Variants in VPS13A observed in about 807,000 individuals in gnomAD.
VPS13A encodes vacuolar protein sorting 13 homolog A.
Under a neutral mutation model 390.9 loss-of-function variants are expected in VPS13A, and 264 were observed. That is an observed-to-expected ratio of 0.68 (90% CI 0.61 to 0.75). The LOEUF (loss-of-function observed/expected upper bound fraction) is 0.75, where lower values mean the gene tolerates loss of function less well. Among genes scored for constraint, VPS13A ranks in the 30% least tolerant of loss-of-function variants. The probability of loss-of-function intolerance (pLI) is 0.00; values close to 1 mark genes in which losing one functional copy is unlikely to be tolerated. For synonymous variants in VPS13A, 1,231 were observed against 1,227.1 expected, an observed-to-expected ratio of 1.00 and a Z score of -0.07; for missense variants, 3,409 against 3,733.9, an observed-to-expected ratio of 0.91 and a Z score of 2.27.
At chr9:77,388,801 C>A (rs1256873819) in intron 68 of VPS13A, among the ~76,000 whole-genome samples, 1 of 152,092 alleles carries the variant, frequency 6.6e-6, no homozygotes, top group Non-Finnish European at 1.5e-5. Context: ...TATAAATTAT[C>A]ATTTATCAGT....
chr9:77,318,103 T>C, intron 40 of VPS13A, 132 bp from the exon 41 acceptor site: 1 of 534,118 alleles, frequency 1.9e-6, no homozygotes, highest in South Asian at 4.5e-5. Flanking sequence ...TTATAAACAA[T>C]AAATTGTATC....
chr9:77,379,772 A>T (rs537082683), intron 67 of VPS13A, among the ~76,000 whole-genome samples: 3 of 152,374 alleles, frequency 2.0e-5, no homozygotes, highest in Non-Finnish European at 4.4e-5. Context: ...GACCTAATAG[A>T]TAGCTAATAC....
At chr9:77,367,998 T>C in intron 61 of VPS13A, 57 bp from the exon 62 acceptor site, 2 of 1,442,836 alleles carry the variant, frequency 1.4e-6, no homozygotes, top group Non-Finnish European at 1.9e-6. Context: ...CTCATTAATA[T>C]TAAAAATACT....
intron 51 of VPS13A, among the ~76,000 whole-genome samples, 172 bp downstream of exon 51, chr9:77,344,453 T>C (rs1256118203): frequency 6.6e-6 from 1 of 152,124 alleles, no homozygotes; most frequent in East Asian, 1.9e-4. Context: ...GATAATTTAA[T>C]TGTTAAATAA....
intron 59 of VPS13A, among the ~76,000 whole-genome samples, chr9:77,361,064 G>A (rs557628015): frequency 1.3e-5 from 2 of 152,208 alleles, no homozygotes; most frequent in Non-Finnish European, 2.9e-5. Context: ...GATATAGTCT[G>A]TTTTTCACTT....
At chr9:77,409,411 C>G (rs1326683283) in intron 71 of VPS13A, among the ~76,000 whole-genome samples, 1 of 152,158 alleles carries the variant, frequency 6.6e-6, no homozygotes, top group Non-Finnish European at 1.5e-5. Flanking sequence ...TCCAAAGGAA[C>G]GCAGCTCCTC....
At chr9:77,317,981 C>G (rs1829503674) in intron 40 of VPS13A, among the ~76,000 whole-genome samples, 3 of 149,830 alleles carry the variant, frequency 2.0e-5, no homozygotes, top group African/African-American at 7.6e-5. Context: ...ATCTGCAATT[C>G]ATGTATATTA....
Position 77,419,333 on chromosome 9 carries a change from A to C in VPS13A, c.*3327A>C, listed in dbSNP as rs1835274252. The C allele has an allele frequency of 6.6e-6, 1 of 152,224 alleles. No homozygotes were observed. The highest frequency in any genetic ancestry group is 1.5e-5 in the Non-Finnish European group (1 of 68,032). The allele number at this position is 152,224 out of a possible 1,614,324, so 9.4% of individuals were successfully genotyped here. On this transcript the variant is annotated 3_prime_UTR_variant, in exon 72 of 72. Coordinates refer to ENST00000360280, the MANE Select transcript of VPS13A (RefSeq NM_033305.3). ...TAAAATGGTTAAGTATTGGTTCCTG[A>C]AATACTGTTTCAGCTAAATATTCTA...
chr9:77,291,530 C>T (rs1827661607), intron 31 of VPS13A, among the ~76,000 whole-genome samples: 1 of 152,168 alleles, frequency 6.6e-6, no homozygotes, highest in African/African-American at 2.4e-5. Context: ...TCCTTCACTA[C>T]ATTACTGCTT....
chr9:77,332,191 T>C, intron 46 of VPS13A, 78 bp downstream of exon 46: 3 of 1,140,626 alleles, frequency 2.6e-6, no homozygotes. Flanking sequence ...TGGATAACTT[T>C]GATCAAATCC....
intron 23 of VPS13A, among the ~76,000 whole-genome samples, chr9:77,266,411 T>G (rs757771557): frequency 6.6e-6 from 1 of 152,110 alleles, no homozygotes; most frequent in Non-Finnish European, 1.5e-5. Context: ...TCTCCTGCTG[T>G]TGTTGTGTGG....
intron 25 of VPS13A, among the ~76,000 whole-genome samples, 185 bp downstream of exon 25, chr9:77,275,837 C>G (rs1192010903): frequency 6.8e-6 from 1 of 147,332 alleles, no homozygotes; most frequent in African/African-American, 2.5e-5. Flanking sequence ...AGATTAACTT[C>G]CTTAATCAAG....
intron 33 of VPS13A, among the ~76,000 whole-genome samples, chr9:77,300,930 T>C (rs546744261): frequency 6.6e-6 from 1 of 152,332 alleles, no homozygotes; most frequent in East Asian, 1.9e-4. Flanking sequence ...AAGATGAACA[T>C]AGTTCCTGCC....
intron 21 of VPS13A, among the ~76,000 whole-genome samples, chr9:77,251,391 A>G (rs1027549937): frequency 2.0e-5 from 3 of 152,166 alleles, no homozygotes; most frequent in Non-Finnish European, 4.4e-5. Flanking sequence ...TTTCTTTCTG[A>G]TTATACCTAT....
chr9:77,259,401 TAAAAG>T (rs1825633412), intron 22 of VPS13A, among the ~76,000 whole-genome samples: 1 of 152,190 alleles, frequency 6.6e-6, no homozygotes, highest in African/African-American at 2.4e-5. Flanking sequence ...GTATTGGAAA[TAAAAG>T]AAAGCTTGTA....
chr9:77,340,606 TTAGA>T, intron 50 of VPS13A, 56 bp downstream of exon 50: 1 of 1,599,602 alleles, frequency 6.3e-7, no homozygotes, highest in Non-Finnish European at 8.6e-7. Flanking sequence ...CTCCTTGAAG[TTAGA>T]TACCTAAAGT....
At chr9:77,371,697 T>C (rs1427029354) in intron 67 of VPS13A, among the ~76,000 whole-genome samples, 1 of 151,788 alleles carries the variant, frequency 6.6e-6, no homozygotes, top group African/African-American at 2.4e-5. Flanking sequence ...AGGGTACATG[T>C]GCACATTGCG....
chr9:77,250,747 G>T lies in VPS13A; in HGVS notation c.2170+518G>T, dbSNP rs142054533. 5.8e-3 allele frequency among the ~76,000 whole-genome samples: 877 copies of T among 152,296 alleles called. 12 individuals are homozygous for T. Among genetic ancestry groups the T allele is most frequent in the African/African-American group, 0.02 (846 of 41,572 alleles). On this transcript the variant is annotated intron_variant, in intron 21 of 71. Transcript: ENST00000360280. ...GAGGGTCACTCTCCTAGACATACTT[G>T]TATCTCATTCACTGTGGTATACCAG...
chr9:77,219,953 G>A lies in VPS13A; in HGVS notation c.755-1G>A. 6.2e-7 allele frequency: 1 copy of A among 1,613,120 alleles called. No individual in the cohort carries two copies. Among genetic ancestry groups the A allele is most frequent in the South Asian group, 1.1e-5 (1 of 91,032 alleles). On this transcript the variant is annotated splice_acceptor_variant, in intron 10 of 71. Coordinates refer to ENST00000360280, the MANE Select transcript of VPS13A (RefSeq NM_033305.3). LOFTEE classifies it high-confidence loss of function. ...TTTTTTCCATTTTTATTATTTTTCAGTATTTCGTCCCATATCTGCTAATGC... is the reference window on the plus strand; with the variant it reads ...TTTTTTCCATTTTTATTATTTTTCAATATTTCGTCCCATATCTGCTAATGC...
Sources: gnomAD v4.1 joint callset for allele counts (sites outside exome capture counted in the v4.1 genomes callset) on GRCh38, gnomAD v4.1.1 for gene constraint, MANE v1.5 for transcripts, NCBI Gene and HGNC (gene_info 2026-07-23, HGNC 2026-07-21) for gene names.